The following NBPF10 variants were observed in gnomAD, a reference collection of about 807,000 sequenced individuals.
NBPF10 encodes the protein NBPF member 10.
NBPF10 carries 63 observed loss-of-function variants against 77.9 expected under a neutral mutation model. The observed-to-expected ratio is 0.81, with a 90% confidence interval of 0.66 to 1.00. NBPF10 has a LOEUF of 1.00. Among genes scored for constraint, NBPF10 ranks in the 50% least tolerant of loss-of-function variants. The pLI, the probability that NBPF10 is intolerant of heterozygous loss-of-function variation, is 0.00. For missense variants in NBPF10, 522 were observed against 679.8 expected, an observed-to-expected ratio of 0.77 and a Z score of 2.58; for synonymous variants, 146 against 264.5, an observed-to-expected ratio of 0.55 and a Z score of 4.35.
chr1:146,125,597 A>G (rs61816397), intron 14 of NBPF10, 81 bp from the exon 15 acceptor site: 105,452 of 488,774 alleles, frequency 0.22, 15,463 homozygotes, highest in Non-Finnish European at 0.26. Flanking sequence ...ATCCTCACAC[A>G]GGGACTTCAG....
At chr1:146,121,886 C>G (rs1267317028) in intron 19 of NBPF10, among the ~76,000 whole-genome samples, 1 of 149,686 alleles carries the variant, frequency 6.7e-6, no homozygotes, top group African/African-American at 2.5e-5. Context: ...GAGACAGAGA[C>G]AGAGACAGAG....
exon 14 of NBPF10, chr1:146,126,380 C>G (rs1484910967): frequency 5.1e-6 from 7 of 1,359,900 alleles, no homozygotes; most frequent in South Asian, 1.2e-5. Flanking sequence ...ACTTCAGGCC[C>G]TTTCTCATCC....
intron 13 of NBPF10, among the ~76,000 whole-genome samples, chr1:146,126,610 C>T (rs1352153056): frequency 7.2e-6 from 1 of 138,098 alleles, no homozygotes; most frequent in African/African-American, 2.6e-5. Flanking sequence ...CACACACACA[C>T]ACACACACAC....
chr1:146,068,014 A>C (rs1339718505), exon 88 of NBPF10: 2 of 532,684 alleles, frequency 3.8e-6, no homozygotes, highest in East Asian at 6.4e-5. Context: ...GTCCACGTCA[A>C]GAGCCAAGCC....
intron 88 of NBPF10, among the ~76,000 whole-genome samples, chr1:146,067,645 G>A (rs1405561856): frequency 2.0e-5 from 3 of 149,932 alleles, no homozygotes; most frequent in Admixed American, 1.3e-4. Context: ...TACTCAGATT[G>A]TTCATGGTAG....
intron 7 of NBPF10, among the ~76,000 whole-genome samples, chr1:146,135,979 T>C (rs1571218231): frequency 1.3e-5 from 2 of 148,886 alleles, no homozygotes; most frequent in East Asian, 2.0e-4. Context: ...ATTGATTGAG[T>C]GAAAGAATGA....
At position 146,118,371 on chromosome 1, in the gene NBPF10, TC is replaced by T; in HGVS notation, c.3206del (p.Gly1069GlufsTer69). On this transcript the variant is annotated frameshift_variant and splice_region_variant, in exon 24 of 90. Coordinates refer to ENST00000583866, the Ensembl canonical transcript of NBPF10. LOFTEE classifies it high-confidence loss of function. The stretch of plus-strand genomic sequence containing the variant: ...TCACCTTCATAGAAAGGTACTCACC[TC>T]CCACGTCAAGAGAAAAGCCAACATG... 2 of 144,608 alleles carry T rather than the reference TC, an allele frequency of 1.4e-5. No individual in the cohort carries two copies. Among genetic ancestry groups the T allele is most frequent in the Non-Finnish European group, 1.1e-5 (1 of 92,408 alleles). The allele number at this position is 144,608 out of a possible 1,614,324, so 9.0% of individuals were successfully genotyped here.
intron 6 of NBPF10, among the ~76,000 whole-genome samples, 168 bp from the exon 7 acceptor site, chr1:146,136,623 A>G (rs1272788230): frequency 2.1e-5 from 3 of 142,870 alleles, no homozygotes; most frequent in Admixed American, 6.9e-5. Flanking sequence ...ACTTTCTGGC[A>G]TCTGATCCTC....
intron 12 of NBPF10, 112 bp from the exon 13 acceptor site, chr1:146,127,191 G>C (rs1658823659): frequency 1.7e-6 from 1 of 602,514 alleles, no homozygotes. Flanking sequence ...GTGAGAACAG[G>C]AGACTTTCAG....
chr1:146,126,015 C>T (rs1226758377), intron 14 of NBPF10, among the ~76,000 whole-genome samples: 3 of 151,716 alleles, frequency 2.0e-5, no homozygotes, highest in East Asian at 1.9e-4. Flanking sequence ...GATTATGGTG[C>T]CACAGGCATG....
chr1:146,126,639 C>CACACACACA (rs1658725197), intron 13 of NBPF10, among the ~76,000 whole-genome samples: 1 of 105,278 alleles, frequency 9.5e-6, no homozygotes, highest in African/African-American at 3.4e-5. Flanking sequence ...ACACACAGAG[C>CACACACACA]GAGCTCAGTC....
intron 88 of NBPF10, 71 bp downstream of exon 88, chr1:146,067,932 T>A (rs1329424408): frequency 8.7e-6 from 6 of 685,886 alleles, no homozygotes; most frequent in East Asian, 8.5e-5. Flanking sequence ...CAAGGGCCAC[T>A]TGGAATAGGA....
chr1:146,126,029 T>A (rs1212120069), intron 14 of NBPF10, among the ~76,000 whole-genome samples: 4 of 151,764 alleles, frequency 2.6e-5, no homozygotes, highest in African/African-American at 7.3e-5. Context: ...AGGCATGGCC[T>A]GAGACTAGGA....
intron 28 of NBPF10, among the ~76,000 whole-genome samples, chr1:146,114,768 AAC>A (rs1657781244): frequency 2.2e-5 from 1 of 45,808 alleles, no homozygotes; most frequent in Non-Finnish European, 4.7e-5. Context: ...AGTTTGTGCA[AAC>A]AGTTATGCTT....
chr1:146,143,500 TTACAGAG>T, intron 1 of NBPF10, among the ~76,000 whole-genome samples: 1 of 122,862 alleles, frequency 8.1e-6, no homozygotes, highest in Non-Finnish European at 1.8e-5. Context: ...TTGCAGCAAT[TTACAGAG>T]GTAGGTATTA....
intron 14 of NBPF10, among the ~76,000 whole-genome samples, chr1:146,125,846 A>G (rs1212228274): frequency 2.0e-5 from 3 of 150,570 alleles, no homozygotes; most frequent in Non-Finnish European, 3.0e-5. Context: ...TGCACTATTC[A>G]GCCCTGTCTC....
In NBPF10 at chr1:146,121,565, G is replaced by T; in HGVS notation, c.2691C>A (p.Cys897Ter). 2 of 569,654 alleles carry T rather than the reference G, an allele frequency of 3.5e-6. No homozygotes were observed. The highest frequency in any genetic ancestry group is 7.1e-5 in the East Asian group (2 of 28,102). The allele number at this position is 569,654 out of a possible 1,614,324, so 35.3% of individuals were successfully genotyped here. Reference sequence around the variant, plus strand: ...CATAAAAGGCACTTCTGTAGGGCTGGCATGAGTCAGTCAGTTCAAGACAAC... The same window carrying T: ...CATAAAAGGCACTTCTGTAGGGCTGTCATGAGTCAGTCAGTTCAAGACAAC... Residue 897 changes from cysteine to a stop codon, truncating the protein, a stop_gained, in exon 20 of 90, where the codon TGC (cysteine) becomes TGA (stop). Transcript: ENST00000583866. LOFTEE classifies it high-confidence loss of function.
At chr1:146,080,908 A>C (rs1656228583) in intron 71 of NBPF10, 131 bp from the exon 72 acceptor site, 1 of 34,774 alleles carries the variant, frequency 2.9e-5, no homozygotes, top group African/African-American at 9.0e-5. Flanking sequence ...TGAGGTAACA[A>C]ATTATTGCCT....
chr1:146,132,913 CA>C (rs59023668), intron 10 of NBPF10, among the ~76,000 whole-genome samples: 237 of 15,592 alleles, frequency 0.015, 27 homozygotes, highest in Middle Eastern at 0.045. Flanking sequence ...GACTCCATTG[CA>C]AAAAAAAAAA....
Sources: gnomAD v4.1 joint callset for allele counts (sites outside exome capture counted in the v4.1 genomes callset) on GRCh38, gnomAD v4.1.1 for gene constraint, MANE v1.5 for transcripts, NCBI Gene and HGNC (gene_info 2026-07-23, HGNC 2026-07-21) for gene names.